The following FHIT variants were observed in gnomAD, a reference collection of about 807,000 sequenced individuals.
FHIT encodes fragile histidine triad diadenosine triphosphatase.
Under a neutral mutation model 17.9 loss-of-function variants are expected in FHIT, and 19 were observed. The ratio of observed to expected loss-of-function variants is 1.06; its 90% confidence interval spans 0.74 to 1.56. The LOEUF (loss-of-function observed/expected upper bound fraction) is 1.56. Ranked by LOEUF, FHIT falls within the 40% of genes most tolerant of loss-of-function variation. The pLI is 0.00. For synonymous variants in FHIT, 81 were observed against 69.7 expected (o/e 1.16, Z -0.81); for missense variants, 248 against 189.2 (o/e 1.31, Z -1.82).
intron 3 of FHIT, among the ~76,000 whole-genome samples, chr3:60,840,668 C>T (rs2106860996): frequency 6.6e-6 from 1 of 152,306 alleles, no homozygotes; most frequent in African/African-American, 2.4e-5. Flanking sequence ...ATTTTATTTT[C>T]TCCCCACATT....
In FHIT at chr3:59,850,951, G is replaced by A. The variant is rs1166857343; in HGVS notation, c.348+71395C>T. On this transcript the variant is annotated intron_variant, in intron 8 of 9. Coordinates refer to ENST00000492590, the MANE Select transcript of FHIT (RefSeq NM_002012.4). ...CCTTCGAGGGAATAACCTGGATTAT[G>A]GCCAATACTTTCTACTTCTAATAGT... Among the ~76,000 whole-genome samples, 4 of 152,172 alleles carry A rather than the reference G, an allele frequency of 2.6e-5. No individual in the cohort carries two copies. The East Asian group carries it at 7.7e-4, about 29-fold the overall frequency.
chr3:60,667,540 T>C (rs1281177412), intron 4 of FHIT, among the ~76,000 whole-genome samples: 2 of 152,228 alleles, frequency 1.3e-5, no homozygotes, highest in Non-Finnish European at 2.9e-5. Flanking sequence ...AGCTGCTTTA[T>C]AGGTCATTTA....
At position 60,964,114 on chromosome 3, in the gene FHIT, C is replaced by T. The variant is rs192141550; in HGVS notation, c.-111+77933G>A. Among the ~76,000 whole-genome samples the T allele has an allele frequency of 5.8e-3, 890 of 152,250 alleles. 4 individuals are homozygous for T. Among genetic ancestry groups the T allele is most frequent in the Non-Finnish European group, 9.0e-3 (615 of 68,020 alleles). On this transcript the variant is annotated intron_variant, in intron 3 of 9. Coordinates refer to ENST00000492590, the MANE Select transcript of FHIT (RefSeq NM_002012.4). The stretch of plus-strand genomic sequence containing the variant: ...GGCTTGCTTTATGAATCTGGGTGCT[C>T]CTGTATTGGGTGCATATATATTTAG...
chr3:60,109,771 A>C (rs891707458), intron 5 of FHIT, among the ~76,000 whole-genome samples: 8 of 152,158 alleles, frequency 5.3e-5, no homozygotes, highest in Admixed American at 4.6e-4. Flanking sequence ...CTTTCTGCAT[A>C]AATCTGACCT....
intron 5 of FHIT, among the ~76,000 whole-genome samples, chr3:60,182,843 T>G (rs1437711619): frequency 6.6e-6 from 1 of 150,774 alleles, no homozygotes; most frequent in East Asian, 2.0e-4. Flanking sequence ...CCTTTTATTC[T>G]CTATAAATGC....
At chr3:60,375,643 T>A (rs1700525237) in intron 5 of FHIT, among the ~76,000 whole-genome samples, 1 of 151,984 alleles carries the variant, frequency 6.6e-6, no homozygotes, top group African/African-American at 2.4e-5. Flanking sequence ...CATAGAGGAG[T>A]AGCAATACCA....
intron 4 of FHIT, among the ~76,000 whole-genome samples, chr3:60,655,266 A>G (rs932091695): frequency 2.0e-5 from 3 of 152,222 alleles, no homozygotes; most frequent in Non-Finnish European, 2.9e-5. Context: ...ACTTTGCACT[A>G]CAGGTGTTTC....
At chr3:60,786,946 G>A (rs1452341042) in intron 4 of FHIT, among the ~76,000 whole-genome samples, 2 of 149,242 alleles carry the variant, frequency 1.3e-5, no homozygotes, top group South Asian at 2.1e-4. Flanking sequence ...AGGGAGGAAG[G>A]CAAATTAAAA....
At chr3:60,912,667 T>C (rs1706806322) in intron 3 of FHIT, 1 of 451,510 alleles carries the variant, frequency 2.2e-6, no homozygotes, top group Non-Finnish European at 4.3e-6. Context: ...ACTCTAGATA[T>C]TCACTAGCCA....
At chr3:60,085,737 A>G (rs1043043631) in intron 5 of FHIT, among the ~76,000 whole-genome samples, 2 of 152,208 alleles carry the variant, frequency 1.3e-5, no homozygotes, top group Admixed American at 6.5e-5. Context: ...AATGGTTTAT[A>G]TATCAAATGA....
chr3:60,041,409 G>A (rs1701434783), intron 5 of FHIT, among the ~76,000 whole-genome samples: 1 of 152,110 alleles, frequency 6.6e-6, no homozygotes, highest in Non-Finnish European at 1.5e-5. Context: ...TACACTTCAG[G>A]AAAATGTCAA....
intron 5 of FHIT, among the ~76,000 whole-genome samples, chr3:60,220,310 A>G (rs1018528180): frequency 2.6e-5 from 4 of 152,100 alleles, no homozygotes; most frequent in African/African-American, 9.7e-5. Flanking sequence ...TATATTTCCT[A>G]TCTACCTCCC....
At chr3:59,812,704 G>T (rs994238789) in intron 8 of FHIT, among the ~76,000 whole-genome samples, 1 of 152,224 alleles carries the variant, frequency 6.6e-6, no homozygotes, top group Middle Eastern at 3.4e-3. Context: ...GTCTGCATGG[G>T]CTACTTTGTT....
intron 4 of FHIT, among the ~76,000 whole-genome samples, chr3:60,556,940 C>T (rs769537375): frequency 2.6e-5 from 4 of 152,196 alleles, no homozygotes; most frequent in African/African-American, 7.2e-5. Flanking sequence ...TGGAGGTCAA[C>T]GTTTACATAT....
At chr3:60,828,714 C>A (rs1207790909) in intron 3 of FHIT, among the ~76,000 whole-genome samples, 1 of 151,898 alleles carries the variant, frequency 6.6e-6, no homozygotes, top group Admixed American at 6.6e-5. Flanking sequence ...CCCATCTCTA[C>A]TAAAAATACA....
At chr3:60,931,561 G>T (rs184572325) in intron 3 of FHIT, among the ~76,000 whole-genome samples, 2 of 151,592 alleles carry the variant, frequency 1.3e-5, no homozygotes, top group Admixed American at 6.6e-5. Context: ...AAAATGAAGC[G>T]GTCAAATCGC....
At chr3:61,055,126 G>A (rs531304288) in intron 2 of FHIT, among the ~76,000 whole-genome samples, 1 of 152,074 alleles carries the variant, frequency 6.6e-6, no homozygotes, top group African/African-American at 2.4e-5. Flanking sequence ...GGAAAAAAAG[G>A]CATCTGTGAT....
chr3:59,763,590 AG>A (rs1701640847), intron 8 of FHIT, among the ~76,000 whole-genome samples: 1 of 152,228 alleles, frequency 6.6e-6, no homozygotes, highest in African/African-American at 2.4e-5. Context: ...TGGACAAGGT[AG>A]TGCCTTTGGG....
intron 4 of FHIT, among the ~76,000 whole-genome samples, chr3:60,549,259 T>C (rs2036468507): frequency 6.6e-6 from 1 of 152,212 alleles, no homozygotes; most frequent in Non-Finnish European, 1.5e-5. Flanking sequence ...ATTAGGTGAC[T>C]ACTATCTCTC....
Sources: allele counts gnomAD v4.1 joint callset (sites outside exome capture counted in the v4.1 genomes callset), GRCh38; gene constraint gnomAD v4.1.1; transcripts MANE v1.5; gene names NCBI Gene and HGNC (gene_info 2026-07-23, HGNC 2026-07-21).